PRKAR2A: variants seen among roughly 807,000 people sequenced by gnomAD.
PRKAR2A encodes protein kinase cAMP-dependent type II regulatory subunit alpha, also known as cAMP-dependent protein kinase type II-alpha regulatory subunit.
PRKAR2A carries 29 observed loss-of-function variants against 51.9 expected under a neutral mutation model. The ratio of observed to expected loss-of-function variants is 0.56; its 90% CI spans 0.42 to 0.76. The LOEUF (loss-of-function observed/expected upper bound fraction) is 0.76. Among genes scored for constraint, PRKAR2A ranks in the 30% least tolerant of loss-of-function variants. PRKAR2A has a pLI of 0.00. For synonymous variants in PRKAR2A, 178 were observed against 186.2 expected (o/e 0.96, Z 0.36); for missense variants, 445 against 512.1 (o/e 0.87, Z 1.26).
chr3:48,833,176 C>T (rs1353275251), intron 1 of PRKAR2A, among the ~76,000 whole-genome samples: 1 of 152,168 alleles, frequency 6.6e-6, no homozygotes, highest in Admixed American at 6.5e-5. Context: ...GCTGGGAATA[C>T]AGGTGCACAT....
intron 4 of PRKAR2A, among the ~76,000 whole-genome samples, chr3:48,786,520 G>T (rs897667320): frequency 2.3e-4 from 35 of 150,404 alleles, no homozygotes; most frequent in African/African-American, 8.3e-4. Flanking sequence ...CTTGGGGGCC[G>T]GGCGCGGTGG....
chr3:48,823,985 A>T (rs1311937023), intron 1 of PRKAR2A, among the ~76,000 whole-genome samples: 6 of 152,138 alleles, frequency 3.9e-5, no homozygotes, highest in Non-Finnish European at 2.9e-5. Context: ...CCAGCACTGT[A>T]ATCCCAGCAC....
chr3:48,756,618 G>GA (rs562679450), intron 8 of PRKAR2A, among the ~76,000 whole-genome samples, 174 bp from the exon 9 acceptor site: 22 of 148,200 alleles, frequency 1.5e-4, no homozygotes, highest in African/African-American at 2.2e-4. Flanking sequence ...TTAGGAAAAG[G>GA]AAAAAAAAAA....
At chr3:48,814,156 G>GA (rs2082831228) in intron 1 of PRKAR2A, among the ~76,000 whole-genome samples, 1 of 151,714 alleles carries the variant, frequency 6.6e-6, no homozygotes, top group African/African-American at 2.4e-5. Context: ...GCTGAGGCAG[G>GA]AAAATCACTT....
chr3:48,797,751 G>A (rs1214736955), intron 2 of PRKAR2A, among the ~76,000 whole-genome samples: 1 of 152,188 alleles, frequency 6.6e-6, no homozygotes, highest in Non-Finnish European at 1.5e-5. Flanking sequence ...AGCATTAGGT[G>A]ATGCTCTGCA....
At chr3:48,842,804 G>A (rs1257705789) in intron 1 of PRKAR2A, among the ~76,000 whole-genome samples, 9 of 152,132 alleles carry the variant, frequency 5.9e-5, no homozygotes, top group Admixed American at 5.2e-4. Context: ...TGTGCTGCTG[G>A]ATTCAGTTTG....
In PRKAR2A at chr3:48,749,266, C is replaced by A. The variant is rs981997489; in HGVS notation, c.*2319G>T. On this transcript the variant is annotated 3_prime_UTR_variant, in exon 11 of 11. Coordinates refer to ENST00000265563, the MANE Select transcript of PRKAR2A (RefSeq NM_004157.4). ...CTAGGAGCCCTTATAGCATCTGATT[C>A]TAAGTTATTCTGAAGGAAAAAAAAA... The A allele has an allele frequency of 4.6e-5, 7 of 151,996 alleles. No homozygotes were observed. The highest frequency in any genetic ancestry group is 7.3e-5 in the Non-Finnish European group (5 of 68,032). The allele number at this position is 151,996 out of a possible 1,614,324, so 9.4% of individuals were successfully genotyped here.
intron 6 of PRKAR2A, among the ~76,000 whole-genome samples, chr3:48,772,178 G>A (rs2082038322): frequency 6.6e-6 from 1 of 152,126 alleles, no homozygotes; most frequent in African/African-American, 2.4e-5. Context: ...GTTTTTAAGT[G>A]AGAACACTAG....
chr3:48,786,128 GTTT>G (rs566059607), intron 4 of PRKAR2A, among the ~76,000 whole-genome samples: 1 of 135,370 alleles, frequency 7.4e-6, no homozygotes, highest in African/African-American at 2.7e-5. Flanking sequence ...GTTTTTTTTT[GTTT>G]TTTTTTTTTT....
At chr3:48,776,668 C>T (rs2082110253) in intron 5 of PRKAR2A, among the ~76,000 whole-genome samples, 1 of 152,008 alleles carries the variant, frequency 6.6e-6, no homozygotes. Flanking sequence ...TGGTAAAACC[C>T]TGTGTCTACT....
In PRKAR2A at chr3:48,773,863, G is replaced by A. The variant is rs1315040836; in HGVS notation, c.543-755C>T. Among the ~76,000 whole-genome samples, 3 of 151,884 alleles carry A rather than the reference G, an allele frequency of 2.0e-5. No individual in the cohort carries two copies. In the East Asian group the frequency reaches 5.8e-4, roughly 29 times the overall value. ...GTCTTGCTCTGTCACCCAGGCTGGA[G>A]TGCAGAGGCACAATCATGGCTCATT... is the stretch of plus-strand genomic sequence containing the variant. On this transcript the variant is annotated intron_variant, in intron 5 of 10. Transcript: ENST00000265563.
intron 9 of PRKAR2A, 28 bp from the exon 10 acceptor site, chr3:48,752,345 G>C (rs1178720181): frequency 1.2e-6 from 2 of 1,607,452 alleles, no homozygotes; most frequent in Non-Finnish European, 1.7e-6. Flanking sequence ...CATGACCTAG[G>C]CTGACTCCAG....
chr3:48,798,029 C>T (rs757745523), intron 2 of PRKAR2A, among the ~76,000 whole-genome samples: 27 of 151,950 alleles, frequency 1.8e-4, no homozygotes, highest in Non-Finnish European at 3.8e-4. Flanking sequence ...CTTGGCTCAC[C>T]GCAACCTCTG....
At chr3:48,753,090 G>T (rs1435075298) in intron 9 of PRKAR2A, among the ~76,000 whole-genome samples, 4 of 151,022 alleles carry the variant, frequency 2.6e-5, no homozygotes, top group African/African-American at 9.7e-5. Context: ...CCGCCACCAC[G>T]CCTGGCTAAT....
At position 48,773,959 on chromosome 3, in the gene PRKAR2A, C is replaced by CCTAGCAATCCTCTCACCTCAGCCCCCT. The variant is rs36080061; in HGVS notation, c.543-852_543-851insAGGGGGCTGAGGTGAGAGGATTGCTAG. On this transcript the variant is annotated intron_variant, in intron 5 of 10. Coordinates refer to ENST00000265563, the MANE Select transcript of PRKAR2A (RefSeq NM_004157.4). ...CCTAGCAATCCTCTCACCTCAGCCC[C>CCTAGCAATCCTCTCACCTCAGCCCCCT]GAGTAGCTGTGACCACAGACGTGTG... is the stretch of plus-strand genomic sequence containing the variant. 2.0e-5 allele frequency among the ~76,000 whole-genome samples: 3 copies of CCTAGCAATCCTCTCACCTCAGCCCCCT among 151,194 alleles called. No individual in the cohort carries two copies. In the East Asian group the frequency reaches 5.9e-4, roughly 30 times the overall value.
At chr3:48,763,535 G>A (rs1191117978) in intron 8 of PRKAR2A, among the ~76,000 whole-genome samples, 6 of 152,120 alleles carry the variant, frequency 3.9e-5, no homozygotes, top group Non-Finnish European at 8.8e-5. Flanking sequence ...AGGTTCAGAA[G>A]CAAATGTGGC....
At chr3:48,793,532 C>CA (rs2082427725) in intron 3 of PRKAR2A, among the ~76,000 whole-genome samples, 1 of 152,152 alleles carries the variant, frequency 6.6e-6, no homozygotes. Flanking sequence ...CTCAACCTCC[C>CA]AAAGTGCTGA....
Position 48,834,661 on chromosome 3 carries a change from G to A in PRKAR2A, c.262+12674C>T, listed in dbSNP as rs149074064. On this transcript the variant is annotated intron_variant, in intron 1 of 10. Coordinates refer to ENST00000265563, the MANE Select transcript of PRKAR2A (RefSeq NM_004157.4). ...GGGTTACTTGAGCCTGGGAGGTCAAGGCTGCAGTAAGCCATGATCATCGCT... is the reference window on the plus strand; with the variant it reads ...GGGTTACTTGAGCCTGGGAGGTCAAAGCTGCAGTAAGCCATGATCATCGCT... Among the ~76,000 whole-genome samples, 803 of 151,060 alleles carry A rather than the reference G, an allele frequency of 5.3e-3. 7 individuals carry two copies. The highest frequency in any genetic ancestry group is 0.019 in the African/African-American group (765 of 41,062).
rs1264000814 is a variant in PRKAR2A, at chr3:48,764,917, G to T, written c.873+87C>A. 3.3e-6 allele frequency: 4 copies of T among 1,230,170 alleles called. No individual in the cohort carries two copies. The East Asian group carries it at 7.4e-5, about 23-fold the overall frequency. The allele number at this position is 1,230,170 out of a possible 1,614,324, so 76.2% of individuals were successfully genotyped here. ...TGGGATTACAGGCGTGAGCCACTGC[G>T]TCCGGCAAGAAGTTTTTGAGATAAA... is the stretch of plus-strand genomic sequence containing the variant. On this transcript the variant is annotated intron_variant, in intron 8 of 10. Transcript: ENST00000265563.
Sources: allele counts gnomAD v4.1 joint callset (sites outside exome capture counted in the v4.1 genomes callset), GRCh38; gene constraint gnomAD v4.1.1; transcripts MANE v1.5; gene names NCBI Gene and HGNC (gene_info 2026-07-23, HGNC 2026-07-21).